The following SHANK2 variants were observed in gnomAD, a reference collection of about 807,000 sequenced individuals.
SHANK2 encodes SH3 and multiple ankyrin repeat domains 2.
A neutral mutation model predicts 133.7 loss-of-function variants in SHANK2; 43 were observed. The ratio of observed to expected loss-of-function variants is 0.32; its 90% CI spans 0.25 to 0.41. SHANK2 has a LOEUF of 0.41. Ranked by LOEUF, SHANK2 falls within the 10% of genes least tolerant of loss-of-function variation. The pLI is 1.00. For synonymous variants in SHANK2, 1,017 were observed against 952.8 expected, an observed-to-expected ratio of 1.07 and a Z score of -1.24; for missense variants, 1,994 against 2,235.8, an observed-to-expected ratio of 0.89 and a Z score of 2.18.
chr11:70,745,166 C>T lies in SHANK2; in HGVS notation c.1778-46403G>A, dbSNP rs181489589. 2.0e-5 allele frequency among the ~76,000 whole-genome samples: 3 copies of T among 152,362 alleles called. No homozygotes were observed. In the East Asian group the frequency reaches 5.8e-4, roughly 29 times the overall value. On this transcript the variant is annotated intron_variant, in intron 14 of 25. Transcript: ENST00000601538. ...ACCAGAGAAAGCCAAATCTGCTACC[C>T]CAACCAATGACTTAGAAGGCCCCAG... is the stretch of plus-strand genomic sequence containing the variant.
chr11:70,890,629 A>G (rs10793381), intron 11 of SHANK2, among the ~76,000 whole-genome samples: 137,936 of 151,714 alleles, frequency 0.91, 63,523 homozygotes, highest in Non-Finnish European at 0.98. Context: ...GAGAAACCCC[A>G]TCTCTACTAA....
At chr11:70,848,496 T>C (rs1949033315) in intron 11 of SHANK2, among the ~76,000 whole-genome samples, 1 of 152,064 alleles carries the variant, frequency 6.6e-6, no homozygotes, top group Admixed American at 6.5e-5. Context: ...CAAACAAAGC[T>C]AAGGGGCTTT....
chr11:71,163,537 G>A (rs1953071742), intron 2 of SHANK2, among the ~76,000 whole-genome samples: 2 of 152,162 alleles, frequency 1.3e-5, no homozygotes, highest in South Asian at 2.1e-4. Context: ...AGTATCTCTT[G>A]TCAGTCCCAG....
At chr11:71,064,911 A>G (rs1330843508) in intron 9 of SHANK2, among the ~76,000 whole-genome samples, 1 of 152,080 alleles carries the variant, frequency 6.6e-6, no homozygotes, top group Non-Finnish European at 1.5e-5. Context: ...GGCAGAAGTG[A>G]GCTGGGAGAC....
chr11:70,894,524 C>A (rs1326632580), intron 11 of SHANK2, among the ~76,000 whole-genome samples: 1 of 152,160 alleles, frequency 6.6e-6, no homozygotes, highest in Admixed American at 6.5e-5. Context: ...GTGGCTGGAC[C>A]TTACCTTCTC....
intron 14 of SHANK2, among the ~76,000 whole-genome samples, chr11:70,713,689 C>T (rs963646933): frequency 2.0e-5 from 3 of 152,150 alleles, no homozygotes; most frequent in African/African-American, 7.2e-5. Flanking sequence ...TCCGTCACAG[C>T]ACCGGGTGTC....
intron 17 of SHANK2, among the ~76,000 whole-genome samples, chr11:70,512,520 A>G (rs2059217493): frequency 6.6e-6 from 1 of 152,226 alleles, no homozygotes; most frequent in Non-Finnish European, 1.5e-5. Context: ...AGAGCAAAAT[A>G]ATTTTGTTTG....
intron 12 of SHANK2, among the ~76,000 whole-genome samples, chr11:70,818,041 T>C (rs1324352731): frequency 6.6e-6 from 1 of 152,174 alleles, no homozygotes; most frequent in Admixed American, 6.5e-5. Flanking sequence ...GGTCCCTTGT[T>C]TTATAATTGA....
At chr11:70,528,356 T>C (rs1290662845) in intron 17 of SHANK2, among the ~76,000 whole-genome samples, 1 of 152,162 alleles carries the variant, frequency 6.6e-6, no homozygotes, top group Non-Finnish European at 1.5e-5. Flanking sequence ...GCGAGGCTCC[T>C]TGCCAGTGCC....
intron 11 of SHANK2, among the ~76,000 whole-genome samples, chr11:70,824,638 C>T (rs572476812): frequency 2.6e-5 from 4 of 152,238 alleles, no homozygotes; most frequent in South Asian, 4.2e-4. Flanking sequence ...GACAGGTCAC[C>T]GAGTCTGTTT....
chr11:71,118,193 G>A (rs1555100733), intron 4 of SHANK2, among the ~76,000 whole-genome samples: 1 of 151,996 alleles, frequency 6.6e-6, no homozygotes, highest in African/African-American at 2.4e-5. Flanking sequence ...ATTATTCACA[G>A]CAAGATTTCT....
Position 70,819,823 on chromosome 11 carries a change from C to A in SHANK2, c.1493+541G>T, listed in dbSNP as rs192035224. ...TTAGCGCTACCTGAGACCATCCCTGCAGCTGCTGAGACAGCCAGACGCCAG... is the reference window on the plus strand; with the variant it reads ...TTAGCGCTACCTGAGACCATCCCTGAAGCTGCTGAGACAGCCAGACGCCAG... On this transcript the variant is annotated intron_variant, in intron 12 of 25. Coordinates refer to ENST00000601538, the MANE Select transcript of SHANK2 (RefSeq NM_012309.5). Among the ~76,000 whole-genome samples, 276 of 152,318 alleles carry A rather than the reference C, an allele frequency of 1.8e-3. 4 individuals carry two copies. The highest frequency in any genetic ancestry group is 6.2e-3 in the African/African-American group (256 of 41,574).
At chr11:70,692,983 T>C (rs1555021414) in intron 15 of SHANK2, among the ~76,000 whole-genome samples, 1 of 152,214 alleles carries the variant, frequency 6.6e-6, no homozygotes, top group Admixed American at 6.5e-5. Context: ...CCAGTAAGGA[T>C]GTGCCTCTGG....
At chr11:70,677,035 C>T (rs544157449) in intron 15 of SHANK2, among the ~76,000 whole-genome samples, 23 of 152,296 alleles carry the variant, frequency 1.5e-4, no homozygotes, top group African/African-American at 5.1e-4. Context: ...ATTACTTGTA[C>T]ATCACAGGGC....
chr11:71,098,810 G>A (rs113461488), intron 6 of SHANK2, among the ~76,000 whole-genome samples: 2,077 of 152,234 alleles, frequency 0.014, 49 homozygotes, highest in African/African-American at 0.047. Context: ...TCCTCAGGGG[G>A]TGATGCGTAG....
In SHANK2 at chr11:70,471,484, C is replaced by T. The variant is rs1202977931; in HGVS notation, c.*1385G>A. Reference sequence around the variant, plus strand: ...GAGGGACTCCGGGGAAAGAAAGGGGCGGGGCTCAAGAAAGCCTTGCCAGAG... The same window carrying T: ...GAGGGACTCCGGGGAAAGAAAGGGGTGGGGCTCAAGAAAGCCTTGCCAGAG... On this transcript the variant is annotated 3_prime_UTR_variant, in exon 26 of 26. Transcript: ENST00000601538. The surrounding 1 kb of genome is among the most constrained non-coding windows in gnomAD (Gnocchi z 4.1). 3.0e-5 allele frequency: 12 copies of T among 398,342 alleles called. No individual in the cohort carries two copies. Among genetic ancestry groups the T allele is most frequent in the South Asian group, 1.3e-4 (1 of 7,754 alleles). 24.7% of individuals were successfully genotyped at this position (398,342 alleles called of 1,614,324 possible).
chr11:70,472,605 G>A lies in SHANK2; in HGVS notation c.*264C>T. The A allele has an allele frequency of 1.9e-6, 1 of 523,010 alleles. No individual in the cohort carries two copies. Among genetic ancestry groups the A allele is most frequent in the South Asian group, 2.1e-5 (1 of 48,422 alleles). 32.4% of individuals were successfully genotyped at this position (523,010 alleles called of 1,614,324 possible). Reference sequence around the variant, plus strand: ...AGGCCACCTGCATGCTGGGCGGCAGGCTGAGAATCTTTTTCCATGTTAGAA... The same window carrying A: ...AGGCCACCTGCATGCTGGGCGGCAGACTGAGAATCTTTTTCCATGTTAGAA... On this transcript the variant is annotated 3_prime_UTR_variant, in exon 26 of 26. Coordinates refer to ENST00000601538, the MANE Select transcript of SHANK2 (RefSeq NM_012309.5). This position sits in a 1 kb window ranked among gnomAD's most constrained non-coding sequence, Gnocchi z 4.4.
chr11:70,901,426 G>A (rs1021087804), intron 10 of SHANK2, among the ~76,000 whole-genome samples: 3 of 152,182 alleles, frequency 2.0e-5, no homozygotes, highest in African/African-American at 4.8e-5. Flanking sequence ...CGCAGGGGAA[G>A]GACTAGTCCT....
At chr11:70,811,007 G>A (rs1948266698) in intron 12 of SHANK2, among the ~76,000 whole-genome samples, 1 of 152,202 alleles carries the variant, frequency 6.6e-6, no homozygotes, top group African/African-American at 2.4e-5. Flanking sequence ...GGTGGCCCCA[G>A]TGTCCCCTGG....
Sources: allele counts gnomAD v4.1 joint callset (sites outside exome capture counted in the v4.1 genomes callset), GRCh38; gene constraint gnomAD v4.1.1; non-coding constraint Gnocchi (gnomAD v3.1); transcripts MANE v1.5; gene names NCBI Gene and HGNC (gene_info 2026-07-23, HGNC 2026-07-21).